The following ADGRV1 variants were observed in gnomAD, a reference collection of about 807,000 sequenced individuals.
ADGRV1 encodes the protein adhesion G protein-coupled receptor V1, also known as G-protein coupled receptor 98.
ADGRV1 carries 359 observed loss-of-function variants against 596.2 expected under a neutral mutation model. The ratio of observed to expected loss-of-function variants is 0.60; its 90% confidence interval spans 0.55 to 0.66. The LOEUF is 0.66. Among genes scored for constraint, ADGRV1 ranks in the 30% least tolerant of loss-of-function variants. The pLI is 0.00. For synonymous variants in ADGRV1, 2,681 were observed against 2,679.2 expected (o/e 1.00, Z -0.02); for missense variants, 7,274 against 7,575.6 (o/e 0.96, Z 1.48).
At chr5:90,883,954 G>A (rs1274594904) in intron 83 of ADGRV1, among the ~76,000 whole-genome samples, 1 of 152,124 alleles carries the variant, frequency 6.6e-6, no homozygotes, top group Non-Finnish European at 1.5e-5. Flanking sequence ...ATCATCCATA[G>A]CATTCCTTAT....
chr5:90,840,747 G>C lies in ADGRV1; in HGVS notation c.16781G>C (p.Arg5594Pro). 1 of 1,613,922 alleles carries C rather than the reference G, an allele frequency of 6.2e-7. No homozygotes were observed. Among genetic ancestry groups the C allele is most frequent in the Non-Finnish European group, 8.5e-7 (1 of 1,179,854 alleles). The change falls in exon 78 of 90, where the codon CGC becomes CCC. Residue 5594 changes from arginine to proline, a missense_variant. By Grantham distance (103) the Arg-to-Pro change is moderately radical. Coordinates refer to ENST00000405460, the MANE Select transcript of ADGRV1 (RefSeq NM_032119.4). ...ETGSLNSFPK[R>P]FQIVLFDPKG... Reference sequence around the variant, plus strand: ...GGATCTTTAAATTCATTTCCTAAACGCTTCCAGATTGTCCTTTTTGACCCA... The same window carrying C: ...GGATCTTTAAATTCATTTCCTAAACCCTTCCAGATTGTCCTTTTTGACCCA...
intron 4 of ADGRV1, among the ~76,000 whole-genome samples, chr5:90,619,951 A>T (rs941109224): frequency 2.6e-5 from 4 of 151,998 alleles, no homozygotes; most frequent in Non-Finnish European, 5.9e-5. Context: ...TTATGGCTGC[A>T]TAGTATTCCA....
chr5:90,683,223 T>G (rs1019539138), intron 27 of ADGRV1, among the ~76,000 whole-genome samples: 2 of 151,108 alleles, frequency 1.3e-5, no homozygotes, highest in Non-Finnish European at 2.9e-5. Context: ...TATTTATTTT[T>G]TTTAAGAGAT....
intron 85 of ADGRV1, among the ~76,000 whole-genome samples, chr5:91,032,324 G>C (rs1448480801): frequency 1.3e-5 from 2 of 152,142 alleles, no homozygotes; most frequent in African/African-American, 4.8e-5. Context: ...GACATAATCT[G>C]ATTTATAGTT....
At chr5:90,988,352 T>A (rs1260925772) in intron 85 of ADGRV1, among the ~76,000 whole-genome samples, 1 of 152,244 alleles carries the variant, frequency 6.6e-6, no homozygotes, top group East Asian at 1.9e-4. Context: ...GGTTAAGTGT[T>A]ACTGATTAAA....
intron 85 of ADGRV1, among the ~76,000 whole-genome samples, chr5:91,002,824 T>C (rs1781956939): frequency 1.3e-5 from 2 of 152,208 alleles, no homozygotes; most frequent in African/African-American, 4.8e-5. Flanking sequence ...TAGAGCCTAA[T>C]TTTAAATGTA....
chr5:90,864,372 T>C (rs565304074), intron 83 of ADGRV1, among the ~76,000 whole-genome samples: 1 of 152,336 alleles, frequency 6.6e-6, no homozygotes, highest in South Asian at 2.1e-4. Flanking sequence ...TTAAAGTATC[T>C]AGTTTAAAGC....
At chr5:90,970,470 C>T (rs1202773517) in intron 84 of ADGRV1, among the ~76,000 whole-genome samples, 8 of 151,998 alleles carry the variant, frequency 5.3e-5, no homozygotes, top group Non-Finnish European at 8.8e-5. Context: ...TGGGAGGCAT[C>T]CCCCAGTAGG....
chr5:90,928,148 C>T (rs1394986324), intron 83 of ADGRV1, among the ~76,000 whole-genome samples: 1 of 152,078 alleles, frequency 6.6e-6, no homozygotes. Flanking sequence ...TTGTGGCATT[C>T]TCTGTATTTC....
chr5:90,713,381 C>A (rs1749655909), intron 42 of ADGRV1, among the ~76,000 whole-genome samples: 1 of 144,732 alleles, frequency 6.9e-6, no homozygotes, highest in African/African-American at 2.6e-5. Flanking sequence ...GTTTCAAGTT[C>A]AAAGAGTATA....
intron 16 of ADGRV1, among the ~76,000 whole-genome samples, chr5:90,646,621 G>T (rs1342263612): frequency 5.9e-5 from 9 of 151,926 alleles, no homozygotes; most frequent in Admixed American, 5.3e-4. Context: ...GCCACCTGAG[G>T]CATCTTTTGG....
At chr5:90,693,382 C>T (rs1746741250) in intron 32 of ADGRV1, among the ~76,000 whole-genome samples, 1 of 151,990 alleles carries the variant, frequency 6.6e-6, no homozygotes, top group African/African-American at 2.4e-5. Context: ...ACTTATAATA[C>T]CTAATACAAT....
intron 87 of ADGRV1, among the ~76,000 whole-genome samples, chr5:91,138,582 A>G (rs1178864858): frequency 6.6e-6 from 1 of 152,162 alleles, no homozygotes; most frequent in Non-Finnish European, 1.5e-5. Flanking sequence ...AGAAAAGAGT[A>G]TTCGAAAATA....
intron 82 of ADGRV1, among the ~76,000 whole-genome samples, chr5:90,861,860 C>G (rs974884200): frequency 1.4e-4 from 22 of 152,094 alleles, no homozygotes; most frequent in African/African-American, 5.3e-4. Flanking sequence ...ATTCAATATC[C>G]TCACCCAAGC....
intron 43 of ADGRV1, 80 bp downstream of exon 43, chr5:90,716,809 GTCCT>G: frequency 9.8e-7 from 1 of 1,018,158 alleles, no homozygotes; most frequent in African/African-American, 1.6e-5. Flanking sequence ...GAGCACTCAA[GTCCT>G]AGAATGAAAA....
At chr5:90,692,521 AT>A (rs1401491166) in intron 31 of ADGRV1, 83 bp from the exon 32 acceptor site, 1 of 1,013,506 alleles carries the variant, frequency 9.9e-7, no homozygotes, top group Non-Finnish European at 1.4e-6. Flanking sequence ...TTGTATGTAT[AT>A]GTTTGATTTT....
At chr5:90,669,831 T>G (rs1395046129) in intron 21 of ADGRV1, among the ~76,000 whole-genome samples, 1 of 152,166 alleles carries the variant, frequency 6.6e-6, no homozygotes, top group African/African-American at 2.4e-5. Context: ...CAAATGCAAG[T>G]TGAGGCTGTA....
chr5:91,127,538 A>AT (rs1186473860), intron 87 of ADGRV1, among the ~76,000 whole-genome samples: 2 of 29,598 alleles, frequency 6.8e-5, no homozygotes, highest in Non-Finnish European at 1.6e-4. Context: ...ACCCAGTCTC[A>AT]CCAAAAAAAA....
chr5:90,986,978 A>G (rs1382595968), intron 85 of ADGRV1, among the ~76,000 whole-genome samples: 1 of 152,160 alleles, frequency 6.6e-6, no homozygotes. Context: ...GGACCCAATG[A>G]ATGTAATATT....
Sources: gnomAD v4.1 joint callset for allele counts (sites outside exome capture counted in the v4.1 genomes callset) on GRCh38, gnomAD v4.1.1 for gene constraint, MANE v1.5 for transcripts, NCBI Gene and HGNC (gene_info 2026-07-23, HGNC 2026-07-21) for gene names.